LINGO2: variants seen among roughly 807,000 people sequenced by gnomAD.
LINGO2 encodes the protein leucine-rich repeat and immunoglobulin-like domain-containing nogo receptor-interacting protein 2.
Under a neutral mutation model 30.6 loss-of-function variants are expected in LINGO2, and 14 were observed. The ratio of observed to expected loss-of-function variants is 0.46; its 90% CI spans 0.30 to 0.72. The LOEUF is 0.72. LINGO2 is among the 30% of genes least tolerant of loss of function. The pLI, the probability that LINGO2 is intolerant of heterozygous loss-of-function variation, is 0.07. For synonymous variants in LINGO2, 317 were observed against 288.5 expected, an observed-to-expected ratio of 1.10 and a Z score of -1.00; for missense variants, 729 against 751.7, an observed-to-expected ratio of 0.97 and a Z score of 0.35.
chr9:29,000,943 C>A, the LINGO2 span, among the ~76,000 whole-genome samples: 1 of 151,824 alleles, frequency 6.6e-6, no homozygotes, highest in Non-Finnish European at 1.5e-5. Flanking sequence ...GTTATGAAAT[C>A]AATTTAAGGA....
At chr9:28,808,113 G>GT in the LINGO2 span, among the ~76,000 whole-genome samples, 2 of 152,082 alleles carry the variant, frequency 1.3e-5, no homozygotes, top group Admixed American at 6.5e-5. Context: ...AATAATTCCA[G>GT]TTTTTTCTCT....
intron 5 of LINGO2, among the ~76,000 whole-genome samples, chr9:27,999,436 C>CAG (rs36216761): frequency 0.1 from 14,890 of 143,556 alleles, 812 homozygotes; most frequent in South Asian, 0.16. Flanking sequence ...GCCTAATCTT[C>CAG]AGAGAGAGAG....
At chr9:28,599,291 T>A (rs1825354539) in intron 1 of LINGO2, 1 of 152,170 alleles carries the variant, frequency 6.6e-6, no homozygotes, top group South Asian at 2.1e-4. Flanking sequence ...TCATTGTTTA[T>A]TTACATTATG....
intron 2 of LINGO2, among the ~76,000 whole-genome samples, chr9:28,427,488 A>G (rs1823462047): frequency 6.6e-6 from 1 of 152,176 alleles, no homozygotes. Flanking sequence ...CATGAGGGAT[A>G]ATCTTCATTT....
At chr9:28,565,269 G>A (rs369633357) in intron 1 of LINGO2, among the ~76,000 whole-genome samples, 1 of 151,750 alleles carries the variant, frequency 6.6e-6, no homozygotes, top group Non-Finnish European at 1.5e-5. Flanking sequence ...CTCATTACAA[G>A]CTCCGCCTCC....
chr9:28,844,886 A>C, the LINGO2 span, among the ~76,000 whole-genome samples: 1 of 152,010 alleles, frequency 6.6e-6, no homozygotes, highest in South Asian at 2.1e-4. Context: ...TGAATCACTG[A>C]GTTTGTGACA....
intron 1 of LINGO2, among the ~76,000 whole-genome samples, chr9:28,594,721 T>C (rs1825091073): frequency 6.6e-6 from 1 of 152,080 alleles, no homozygotes; most frequent in African/African-American, 2.4e-5. Flanking sequence ...ATGAAAAGCT[T>C]AGCGTGGAAA....
chr9:28,810,964 T>C, the LINGO2 span, among the ~76,000 whole-genome samples: 1 of 152,126 alleles, frequency 6.6e-6, no homozygotes. Flanking sequence ...TCCCATGACT[T>C]TAAACATTTT....
chr9:28,821,666 G>T, the LINGO2 span, among the ~76,000 whole-genome samples: 6 of 152,170 alleles, frequency 3.9e-5, no homozygotes, highest in Non-Finnish European at 7.3e-5. Flanking sequence ...TTACTAAACT[G>T]GGTATACTTG....
At chr9:28,760,915 C>T in the LINGO2 span, among the ~76,000 whole-genome samples, 46 of 141,792 alleles carry the variant, frequency 3.2e-4, no homozygotes, top group African/African-American at 1.2e-3. Context: ...TATATACGTA[C>T]GTGTGTGTGT....
At chr9:29,129,765 T>C in the LINGO2 span, among the ~76,000 whole-genome samples, 4 of 152,028 alleles carry the variant, frequency 2.6e-5, no homozygotes, top group Non-Finnish European at 5.9e-5. Context: ...GAAACAGATA[T>C]GAAGAAATAT....
At chr9:28,773,004 TG>T in the LINGO2 span, among the ~76,000 whole-genome samples, 1 of 151,998 alleles carries the variant, frequency 6.6e-6, no homozygotes, top group Non-Finnish European at 1.5e-5. Context: ...GAAAATGTCA[TG>T]AAAAATAATA....
At chr9:28,647,459 T>G (rs1453192698) in intron 1 of LINGO2, among the ~76,000 whole-genome samples, 1 of 152,116 alleles carries the variant, frequency 6.6e-6, no homozygotes, top group Admixed American at 6.6e-5. Context: ...GTTAGTGATT[T>G]AGAATGTTTT....
chr9:28,149,330 A>T (rs1420273430), intron 4 of LINGO2: 2 of 524,514 alleles, frequency 3.8e-6, no homozygotes, highest in Non-Finnish European at 6.8e-6. Flanking sequence ...GGAAGTGAGG[A>T]GCGCCTCTGC....
the LINGO2 span, among the ~76,000 whole-genome samples, chr9:29,019,719 A>G: frequency 6.6e-6 from 1 of 152,194 alleles, no homozygotes; most frequent in African/African-American, 2.4e-5. Flanking sequence ...GCACTGGATT[A>G]AAAGTTAAAA....
chr9:28,973,347 T>C, the LINGO2 span, among the ~76,000 whole-genome samples: 1 of 152,122 alleles, frequency 6.6e-6, no homozygotes, highest in Non-Finnish European at 1.5e-5. Context: ...GAGTTTTCAG[T>C]TGGAACCTTA....
intron 2 of LINGO2, among the ~76,000 whole-genome samples, chr9:28,396,618 G>A (rs527517550): frequency 6.9e-6 from 1 of 145,522 alleles, no homozygotes; most frequent in African/African-American, 2.5e-5. Flanking sequence ...GCAGGAGAAT[G>A]GCGTGAACCC....
chr9:28,136,234 G>C (rs143348222), intron 4 of LINGO2, among the ~76,000 whole-genome samples: 24 of 152,288 alleles, frequency 1.6e-4, no homozygotes, highest in East Asian at 1.4e-3. Context: ...GGTGGTGTAC[G>C]ATACTACTAG....
At chr9:28,995,812 T>C in the LINGO2 span, among the ~76,000 whole-genome samples, 34 of 151,890 alleles carry the variant, frequency 2.2e-4, no homozygotes, top group Non-Finnish European at 3.5e-4. Flanking sequence ...TAGGTGGGAA[T>C]TGAACAATGA....
Sources: allele counts gnomAD v4.1 joint callset (sites outside exome capture counted in the v4.1 genomes callset), GRCh38; gene constraint gnomAD v4.1.1; transcripts MANE v1.5; gene names NCBI Gene and HGNC (gene_info 2026-07-23, HGNC 2026-07-21).